Variants in IL19 observed in about 807,000 individuals in gnomAD.
IL19 encodes the protein interleukin-19.
In IL19, 15 loss-of-function variants were observed where a neutral mutation model predicts 19.5. The ratio of observed to expected loss-of-function variants is 0.77; its 90% CI spans 0.52 to 1.19. The LOEUF (loss-of-function observed/expected upper bound fraction) is 1.19, where lower values mean the gene tolerates loss of function less well. IL19 is among the 50% of genes most tolerant of loss of function. The pLI is 0.00. For missense variants in IL19, 199 were observed against 213.1 expected, an observed-to-expected ratio of 0.93 and a Z score of 0.41; for synonymous variants, 78 against 78.3, an observed-to-expected ratio of 1.00 and a Z score of 0.02.
chr1:206,784,444 C>T (rs571936229), intron 1 of IL19, among the ~76,000 whole-genome samples: 2 of 152,136 alleles, frequency 1.3e-5, no homozygotes, highest in South Asian at 2.1e-4. Context: ...ATAGCTTCTG[C>T]CCAGCCCTGG....
At chr1:206,819,972 T>C (rs953004518) in intron 2 of IL19, among the ~76,000 whole-genome samples, 1 of 152,224 alleles carries the variant, frequency 6.6e-6, no homozygotes, top group African/African-American at 2.4e-5. Context: ...GTGGGTCTCA[T>C]ATCTCCTGTG....
chr1:206,836,316 A>C (rs1317794137), intron 2 of IL19, among the ~76,000 whole-genome samples: 1 of 152,242 alleles, frequency 6.6e-6, no homozygotes, highest in African/African-American at 2.4e-5. Context: ...ATTTATTAAA[A>C]ACAATGCTTT....
intron 2 of IL19, among the ~76,000 whole-genome samples, chr1:206,808,317 G>A (rs1675905552): frequency 6.6e-6 from 1 of 152,160 alleles, no homozygotes; most frequent in African/African-American, 2.4e-5. Context: ...GAAACAGAGC[G>A]AGACTCCATC....
At chr1:206,792,810 A>T (rs1675439505) in intron 1 of IL19, among the ~76,000 whole-genome samples, 1 of 152,080 alleles carries the variant, frequency 6.6e-6, no homozygotes, top group Non-Finnish European at 1.5e-5. Flanking sequence ...GAGTTCAGAG[A>T]GGTAATGTGC....
intron 1 of IL19, among the ~76,000 whole-genome samples, chr1:206,773,368 C>T (rs981759545): frequency 1.3e-5 from 2 of 152,200 alleles, no homozygotes; most frequent in African/African-American, 4.8e-5. Flanking sequence ...ATCTCCAGCA[C>T]ATAGAATGAA....
intron 2 of IL19, among the ~76,000 whole-genome samples, chr1:206,810,252 G>A (rs1370172801): frequency 6.6e-6 from 1 of 152,214 alleles, no homozygotes; most frequent in Non-Finnish European, 1.5e-5. Context: ...GACATTCTGG[G>A]TTTAGTGAGC....
At chr1:206,795,923 A>ATG (rs1435078549) in intron 1 of IL19, among the ~76,000 whole-genome samples, 2 of 109,080 alleles carry the variant, frequency 1.8e-5, no homozygotes, top group African/African-American at 7.3e-5. Context: ...ATATAAATAT[A>ATG]TATATGTGTG....
chr1:206,819,086 C>A (rs572827660), intron 2 of IL19, among the ~76,000 whole-genome samples: 1 of 151,388 alleles, frequency 6.6e-6, no homozygotes, highest in African/African-American at 2.4e-5. Flanking sequence ...GCTGGGATTA[C>A]AGGCGTGAGC....
intron 2 of IL19, among the ~76,000 whole-genome samples, chr1:206,811,229 C>T (rs947634901): frequency 2.0e-5 from 3 of 151,902 alleles, no homozygotes; most frequent in Non-Finnish European, 4.4e-5. Flanking sequence ...TGGCCAGCTA[C>T]TAAAATGTCA....
At chr1:206,804,929 C>T (rs1295676023) in intron 2 of IL19, among the ~76,000 whole-genome samples, 1 of 152,168 alleles carries the variant, frequency 6.6e-6, no homozygotes, top group African/African-American at 2.4e-5. Flanking sequence ...AAGAATCCAC[C>T]AGACTCCTTC....
At chr1:206,829,045 C>T (rs1006458357) in intron 2 of IL19, 1 of 133,274 alleles carries the variant, frequency 7.5e-6, no homozygotes. Flanking sequence ...GATGTGGTCT[C>T]GCTTTGTTGC....
intron 2 of IL19, among the ~76,000 whole-genome samples, chr1:206,808,900 G>T (rs1342010280): frequency 6.6e-6 from 1 of 152,174 alleles, no homozygotes; most frequent in Non-Finnish European, 1.5e-5. Flanking sequence ...GGCCAGGAAA[G>T]GACAGCCTGG....
chr1:206,785,453 AT>A (rs1294996801), intron 1 of IL19, among the ~76,000 whole-genome samples: 5 of 152,122 alleles, frequency 3.3e-5, no homozygotes, highest in African/African-American at 1.2e-4. Flanking sequence ...TAACACTGAA[AT>A]CCCTGGGTGG....
chr1:206,784,670 G>A (rs1235456274), intron 1 of IL19, among the ~76,000 whole-genome samples: 1 of 152,210 alleles, frequency 6.6e-6, no homozygotes, highest in Non-Finnish European at 1.5e-5. Context: ...CCCCGGGGGC[G>A]GCGGGGGTGT....
intron 1 of IL19, among the ~76,000 whole-genome samples, chr1:206,776,909 CA>C (rs1186364224): frequency 0.046 from 2,311 of 50,480 alleles, 24 homozygotes; most frequent in African/African-American, 0.12. Flanking sequence ...CTTGCAACTA[CA>C]AAAAAAAAAA....
chr1:206,822,270 G>T (rs997319806), intron 2 of IL19, among the ~76,000 whole-genome samples: 3 of 152,202 alleles, frequency 2.0e-5, no homozygotes, highest in African/African-American at 7.2e-5. Context: ...AGCAAGATAA[G>T]TGGGAATGGC....
At chr1:206,785,211 G>A (rs1465427797) in intron 1 of IL19, among the ~76,000 whole-genome samples, 1 of 152,144 alleles carries the variant, frequency 6.6e-6, no homozygotes, top group Non-Finnish European at 1.5e-5. Context: ...TTGAAGGAGG[G>A]TCCATGCAGG....
Position 206,842,642 on chromosome 1 carries a change from T to A in IL19, c.*20T>A, listed in dbSNP as rs763055272. The A allele has an allele frequency of 4.2e-6, 6 of 1,425,810 alleles. No individual in the cohort carries two copies. Among genetic ancestry groups the A allele is most frequent in the Non-Finnish European group, 5.8e-6 (6 of 1,030,502 alleles). The allele number at this position is 1,425,810 out of a possible 1,614,324, so 88.3% of individuals were successfully genotyped here. On this transcript the variant is annotated 3_prime_UTR_variant, in exon 7 of 7. Transcript: ENST00000659997. Reference sequence around the variant, plus strand: ...GCTTGATGACAAGGAACCTGTATAGTGATCCAGGGATGAACACCCCCTGTG... The same window carrying A: ...GCTTGATGACAAGGAACCTGTATAGAGATCCAGGGATGAACACCCCCTGTG...
intron 1 of IL19, among the ~76,000 whole-genome samples, chr1:206,779,376 A>G (rs1014515594): frequency 6.6e-6 from 1 of 152,128 alleles, no homozygotes; most frequent in Non-Finnish European, 1.5e-5. Context: ...CCCAGAGCTC[A>G]GGGCCTTTGC....
Sources: allele counts gnomAD v4.1 joint callset (sites outside exome capture counted in the v4.1 genomes callset), GRCh38; gene constraint gnomAD v4.1.1; transcripts MANE v1.5; gene names NCBI Gene and HGNC (gene_info 2026-07-23, HGNC 2026-07-21).